SNX21: variants seen among roughly 807,000 people sequenced by gnomAD.
The protein encoded by SNX21 is sorting nexin-21.
SNX21 carries 36 observed loss-of-function variants against 30.9 expected under a neutral mutation model. The observed-to-expected ratio is 1.16, with a 90% CI of 0.89 to 1.54. SNX21 has a LOEUF of 1.54. Among genes scored for constraint, SNX21 ranks in the 40% most tolerant of loss-of-function variants. The probability of loss-of-function intolerance (pLI) is 0.00; values close to 1 mark genes in which losing one functional copy is unlikely to be tolerated. For missense variants in SNX21, 508 were observed against 516.5 expected (o/e 0.98, Z 0.16); for synonymous variants, 218 against 222.7 (o/e 0.98, Z 0.19).
In SNX21 at chr20:45,835,074, G is replaced by A. The variant is rs755968390; in HGVS notation, c.405G>A (p.Val135=). The change falls in exon 3 of 4, where the codon GTG becomes GTA. Residue 135 remains valine (V), a synonymous_variant. Coordinates refer to ENST00000491381, the MANE Select transcript of SNX21 (RefSeq NM_033421.4). ...TLAPQRLLFE[V]TSANVVKDPP... ...CACCCCAGCGGCTGCTCTTCGAAGTGACCAGCGCTAACGTTGTCAAGGACC... is the reference window on the plus strand; with the variant it reads ...CACCCCAGCGGCTGCTCTTCGAAGTAACCAGCGCTAACGTTGTCAAGGACC... The A allele has an allele frequency of 1.2e-5, 20 of 1,614,084 alleles. No individual in the cohort carries two copies. In the East Asian group the frequency reaches 3.3e-4, roughly 27 times the overall value.
intron 3 of SNX21, among the ~76,000 whole-genome samples, chr20:45,836,516 A>AAAAAAAAT (rs1983557791): frequency 7.9e-6 from 1 of 126,072 alleles, no homozygotes; most frequent in Non-Finnish European, 1.7e-5. Flanking sequence ...AAAAAAAAAA[A>AAAAAAAAT]ATTTTGAGAC....
rs141041804 is a variant in SNX21, at chr20:45,835,004, C to T, written c.335C>T (p.Ala112Val). ...PDGQWGSQLLARQLQDFWKKS... is the reference protein window; with the variant it reads ...PDGQWGSQLLVRQLQDFWKKS... ...GGGCAGTGGGGCAGTCAGCTCCTGG[C>T]GCGGCAGCTGCAGGATTTCTGGAAG... The change falls in exon 3 of 4, where the codon GCG (alanine) becomes GTG (valine). Residue 112 changes from alanine to valine, a missense_variant. By Grantham distance (64) the Ala-to-Val change is moderately conservative. Coordinates refer to ENST00000491381, the MANE Select transcript of SNX21 (RefSeq NM_033421.4). The T allele has an allele frequency of 1.3e-5, 21 of 1,614,158 alleles. No individual in the cohort carries two copies. Among genetic ancestry groups the T allele is most frequent in the Non-Finnish European group, 1.8e-5 (21 of 1,180,012 alleles).
At chr20:45,837,795 CAG>C (rs553813775) in intron 3 of SNX21, among the ~76,000 whole-genome samples, 78 of 150,330 alleles carry the variant, frequency 5.2e-4, no homozygotes, top group Non-Finnish European at 1.0e-3. Context: ...TTTTTTGAGA[CAG>C]AGTCTTGCTC....
intron 3 of SNX21, among the ~76,000 whole-genome samples, chr20:45,836,991 C>T (rs1304427808): frequency 6.6e-6 from 1 of 152,208 alleles, no homozygotes; most frequent in Non-Finnish European, 1.5e-5. Context: ...TCTTTGAGCC[C>T]TTTTCCCCCT....
At chr20:45,836,705 G>A (rs566577564) in intron 3 of SNX21, among the ~76,000 whole-genome samples, 1 of 152,048 alleles carries the variant, frequency 6.6e-6, no homozygotes, top group Non-Finnish European at 1.5e-5. Context: ...CAGAACTCTG[G>A]GTTCATACAC....
chr20:45,834,848 TA>T, intron 2 of SNX21, 110 bp from the exon 3 acceptor site: 1 of 1,394,982 alleles, frequency 7.2e-7, no homozygotes, highest in Non-Finnish European at 9.7e-7. Flanking sequence ...TCCATTTCTG[TA>T]AAAAGGGGGT....
At chr20:45,834,867 G>A (rs1568725331) in intron 2 of SNX21, 92 bp from the exon 3 acceptor site, 1 of 1,485,000 alleles carries the variant, frequency 6.7e-7, no homozygotes, top group Non-Finnish European at 9.1e-7. Flanking sequence ...GGTAAGTCCT[G>A]CCTCACACTG....
intron 3 of SNX21, among the ~76,000 whole-genome samples, chr20:45,838,615 G>A (rs1983742017): frequency 6.6e-6 from 1 of 151,906 alleles, no homozygotes; most frequent in Non-Finnish European, 1.5e-5. Context: ...TTAGCCGGAT[G>A]TGGTGGTAGG....
Position 45,840,775 on chromosome 20 carries a change from TC to T in SNX21, c.589del (p.Arg197ValfsTer88), listed in dbSNP as rs1236744958. On this transcript the variant is annotated frameshift_variant, in exon 4 of 4. Transcript: ENST00000491381. LOFTEE classifies it high-confidence loss of function. ...CGGGGCCCAATGGCTGCCATCTCCT[TC>T]CCCCGTAAGCGGCTGCGCCGGAATT... ...QFRGPMAAIS[F>X]PRKRLRRNFT... The T allele has an allele frequency of 6.2e-6, 10 of 1,613,916 alleles. No individual in the cohort carries two copies. Among genetic ancestry groups the T allele is most frequent in the Non-Finnish European group, 7.6e-6 (9 of 1,180,034 alleles).
chr20:45,841,367 G>A lies in SNX21; in HGVS notation c.*54G>A, dbSNP rs1984106685. ...GGAGAGGGGTTGCCCCAGAAGGCAG[G>A]GGAAGGACCTGATGAGAACAGAATA... On this transcript the variant is annotated 3_prime_UTR_variant, in exon 4 of 4. Coordinates refer to ENST00000491381, the MANE Select transcript of SNX21 (RefSeq NM_033421.4). The A allele has an allele frequency of 2.6e-6, 4 of 1,514,042 alleles. No homozygotes were observed. The highest frequency in any genetic ancestry group is 4.6e-5 in the Admixed American group (2 of 43,874). 93.8% of individuals were successfully genotyped at this position (1,514,042 alleles called of 1,614,324 possible).
rs756741503 is a variant in SNX21, at chr20:45,834,363, A to G, written c.184A>G (p.Ser62Gly). 89 of 1,602,852 alleles carry G rather than the reference A, an allele frequency of 5.6e-5. No homozygotes were observed. The highest frequency in any genetic ancestry group is 6.6e-5 in the Non-Finnish European group (78 of 1,177,918). The change falls in exon 2 of 4, where the codon AGC (serine) becomes GGC (glycine). Residue 62 changes from serine to glycine, a missense_variant. Ser to Gly is a moderately conservative substitution (Grantham distance 56). Transcript: ENST00000491381. ...GLSSRLSGTL[S>G]FTSAEDDEDD... is the part of the protein sequence containing the mutation. ...GTCCTCCCGACTCAGCGGCACCCTC[A>G]GCTTCACCAGCGCCGAGGACGACGA...
In SNX21 at chr20:45,834,961, C is replaced by T. The variant is rs546858487; in HGVS notation, c.292C>T (p.Arg98Trp). The change falls in exon 3 of 4, where the codon CGG becomes TGG. Residue 98 changes from arginine (R) to tryptophan (W), a missense_variant and splice_region_variant. Physicochemically the swap from Arg to Trp is moderately radical, Grantham distance 101. Transcript: ENST00000491381. ...GDGTSGEDAE[R>W]SPPPDGQWGS... ...TATGACTGGTCATGTGTCTGCAGAA[C>T]GGAGCCCCCCACCTGATGGGCAGTG... 6 of 1,612,974 alleles carry T rather than the reference C, an allele frequency of 3.7e-6. No individual in the cohort carries two copies. Among genetic ancestry groups the T allele is most frequent in the African/African-American group, 1.3e-5 (1 of 75,040 alleles).
Position 45,841,170 on chromosome 20 carries a change from G to A in SNX21, c.979G>A (p.Glu327Lys), listed in dbSNP as rs1006792916. The A allele has an allele frequency of 6.2e-7, 1 of 1,613,842 alleles. No homozygotes were observed. ...SLHPLLAPFL[E>K]AHVRLSWRLG... ...CCACCCTTTGCTGGCACCCTTTCTGGAGGCCCATGTCCGGCTCTCCTGGCG... is the reference window on the plus strand; with the variant it reads ...CCACCCTTTGCTGGCACCCTTTCTGAAGGCCCATGTCCGGCTCTCCTGGCG... The change falls in exon 4 of 4, where the codon GAG (glutamate) becomes AAG (lysine). Residue 327 changes from glutamate to lysine, a missense_variant. Glu to Lys is a moderately conservative substitution (Grantham distance 56). Transcript: ENST00000491381.
chr20:45,834,007 G>A, intron 1 of SNX21, 67 bp downstream of exon 1: 1 of 1,431,212 alleles, frequency 7.0e-7, no homozygotes. Context: ...GAGGAACGCG[G>A]TCCTAGGCTG....
In SNX21 at chr20:45,834,389, G is replaced by A. The variant is rs775326312; in HGVS notation, c.210G>A (p.Glu70=). The change falls in exon 2 of 4, where the codon GAG becomes GAA. Residue 70 remains glutamate (E), a synonymous_variant. Transcript: ENST00000491381. ...TLSFTSAEDD[E]DDEDEDDEEA... ...GCTTCACCAGCGCCGAGGACGACGAGGACGACGAGGACGAGGACGACGAGG... is the reference window on the plus strand; with the variant it reads ...GCTTCACCAGCGCCGAGGACGACGAAGACGACGAGGACGAGGACGACGAGG... 1 of 1,598,710 alleles carries A rather than the reference G, an allele frequency of 6.3e-7. No individual in the cohort carries two copies. The highest frequency in any genetic ancestry group is 1.3e-5 in the African/African-American group (1 of 74,904).
At position 45,841,033 on chromosome 20, in the gene SNX21, GC is replaced by G. The variant is rs1323996549; in HGVS notation, c.847del (p.Leu283CysfsTer2). On this transcript the variant is annotated frameshift_variant, in exon 4 of 4. Transcript: ENST00000491381. LOFTEE classifies it high-confidence loss of function. ...AQLGTPSGPDRPLLTLAGLAV... is the reference protein window; with the variant it reads ...AQLGTPSGPDXPLLTLAGLAV... The stretch of plus-strand genomic sequence containing the variant: ...CTGGGCACCCCCTCTGGCCCAGACC[GC>G]CCCCTGCTGACCCTGGCTGGGCTGG... The G allele has an allele frequency of 2.5e-6, 4 of 1,608,962 alleles. No individual in the cohort carries two copies. Among genetic ancestry groups the G allele is most frequent in the Non-Finnish European group, 3.4e-6 (4 of 1,179,036 alleles).
intron 3 of SNX21, among the ~76,000 whole-genome samples, chr20:45,839,840 T>C (rs977162810): frequency 6.6e-6 from 1 of 151,236 alleles, no homozygotes; most frequent in Non-Finnish European, 1.5e-5. Flanking sequence ...GCCCAGGAGG[T>C]TGAAGCTGCA....
In SNX21 at chr20:45,840,750, C is replaced by T. The variant is rs774164764; in HGVS notation, c.559C>T (p.Arg187Trp). 34 of 1,614,080 alleles carry T rather than the reference C, an allele frequency of 2.1e-5. No homozygotes were observed. The highest frequency in any genetic ancestry group is 4.0e-5 in the African/African-American group (3 of 74,954). The change falls in exon 4 of 4, where the codon CGG becomes TGG. Residue 187 changes from arginine (R) to tryptophan (W), a missense_variant. By Grantham distance (101) the Arg-to-Trp change is moderately radical. Transcript: ENST00000491381. The part of the protein sequence containing the change: ...RLHRNLQRQF[R>W]GPMAAISFPR... ...GCACCGAAACCTGCAGCGGCAATTC[C>T]GGGGCCCAATGGCTGCCATCTCCTT...
intron 3 of SNX21, among the ~76,000 whole-genome samples, chr20:45,839,519 G>A (rs533235169): frequency 2.6e-5 from 4 of 151,366 alleles, no homozygotes; most frequent in Admixed American, 6.6e-5. Context: ...GCGAGACTCC[G>A]TCTCAAAAAA....
Sources: allele counts gnomAD v4.1 joint callset (sites outside exome capture counted in the v4.1 genomes callset), GRCh38; gene constraint gnomAD v4.1.1; transcripts MANE v1.5; gene names NCBI Gene and HGNC (gene_info 2026-07-23, HGNC 2026-07-21).